The following PIK3CD variants were observed in gnomAD, a reference collection of about 807,000 sequenced individuals.
PIK3CD encodes phosphatidylinositol-4,5-bisphosphate 3-kinase catalytic subunit delta, also known as phosphatidylinositol 4,5-bisphosphate 3-kinase catalytic subunit delta isoform.
Under a neutral mutation model 122.9 loss-of-function variants are expected in PIK3CD, and 20 were observed. The observed-to-expected ratio is 0.16, with a 90% CI of 0.11 to 0.24. PIK3CD has a LOEUF of 0.24. PIK3CD is among the 10% of genes least tolerant of loss of function. The pLI is 1.00. For synonymous variants in PIK3CD, 596 were observed against 593.4 expected (o/e 1.00, Z -0.06); for missense variants, 787 against 1,406.3 (o/e 0.56, Z 7.04).
chr1:9,651,959 G>T (rs920017948), intron 1 of PIK3CD, among the ~76,000 whole-genome samples, 157 bp downstream of exon 1: 1 of 151,932 alleles, frequency 6.6e-6, no homozygotes, highest in Admixed American at 6.6e-5. Flanking sequence ...GCCTCCCCGA[G>T]TCTAGCGAGC....
At chr1:9,702,395 C>T (rs921204393) in intron 2 of PIK3CD, among the ~76,000 whole-genome samples, 5 of 151,330 alleles carry the variant, frequency 3.3e-5, no homozygotes, top group Admixed American at 6.6e-5. Context: ...CTGATGGGGC[C>T]GCCATCCAGT....
chr1:9,630,425 C>T, the PIK3CD span, among the ~76,000 whole-genome samples: 1 of 152,260 alleles, frequency 6.6e-6, no homozygotes, highest in African/African-American at 2.4e-5. Flanking sequence ...TTCATGACCA[C>T]ATCACTCATG....
At chr1:9,629,767 G>A in the PIK3CD span, among the ~76,000 whole-genome samples, 8 of 152,236 alleles carry the variant, frequency 5.3e-5, no homozygotes, top group African/African-American at 1.7e-4. Flanking sequence ...TCGCCCTAAG[G>A]CTCCCCCACC....
rs554430636 is a variant in PIK3CD, at chr1:9,725,722, C to T, written c.2997+786C>T. On this transcript the variant is annotated intron_variant, in intron 23 of 23. Coordinates refer to ENST00000377346, the MANE Select transcript of PIK3CD (RefSeq NM_005026.5). Reference sequence around the variant, plus strand: ...TGAAACCCTGTCTCTACTAAAAATACAAAAATTAGTCAGGTGTGGTGGCAC... The same window carrying T: ...TGAAACCCTGTCTCTACTAAAAATATAAAAATTAGTCAGGTGTGGTGGCAC... 4.6e-5 allele frequency among the ~76,000 whole-genome samples: 7 copies of T among 151,138 alleles called. No homozygotes were observed. In the South Asian group the frequency reaches 1.3e-3, roughly 27 times the overall value.
the PIK3CD span, among the ~76,000 whole-genome samples, chr1:9,646,033 A>G: frequency 6.6e-6 from 1 of 151,904 alleles, no homozygotes; most frequent in Non-Finnish European, 1.5e-5. Context: ...CAGCCTCCCA[A>G]AGTGCTGGGA....
chr1:9,640,172 T>C, the PIK3CD span, among the ~76,000 whole-genome samples: 1 of 152,258 alleles, frequency 6.6e-6, no homozygotes, highest in East Asian at 1.9e-4. Context: ...ACTTCTTTTC[T>C]TTCTGGAACT....
intron 1 of PIK3CD, among the ~76,000 whole-genome samples, chr1:9,656,775 T>G (rs953503708): frequency 6.6e-6 from 1 of 152,144 alleles, no homozygotes; most frequent in Admixed American, 6.5e-5. Flanking sequence ...AAGCCCCGTC[T>G]CTACTAAAAA....
intron 1 of PIK3CD, among the ~76,000 whole-genome samples, chr1:9,656,136 G>A (rs567965675): frequency 6.6e-6 from 1 of 152,266 alleles, no homozygotes; most frequent in South Asian, 2.1e-4. Flanking sequence ...AAGAGTGGGC[G>A]GTGCCAGGAG....
the PIK3CD span, among the ~76,000 whole-genome samples, chr1:9,643,888 C>A: frequency 2.0e-5 from 3 of 152,154 alleles, no homozygotes; most frequent in Non-Finnish European, 4.4e-5. Context: ...AAGACTCGAG[C>A]TGGGTAGTTT....
chr1:9,632,169 C>T, the PIK3CD span, among the ~76,000 whole-genome samples: 110 of 152,178 alleles, frequency 7.2e-4, no homozygotes, highest in Middle Eastern at 3.4e-3. Context: ...TGCGCCACCA[C>T]GCCCAGCTAA....
rs77587999 is a variant in PIK3CD, at chr1:9,687,063, C to T, written c.-137-4404C>T. 3.8e-3 allele frequency among the ~76,000 whole-genome samples: 581 copies of T among 152,302 alleles called. 6 individuals carry two copies. The highest frequency in any genetic ancestry group is 0.013 in the African/African-American group (561 of 41,560). ...AAAGAATCTTGGATTTTTCTCTGGGCTCCAGAGACACCCGTGCCTGACACC... is the reference window on the plus strand; with the variant it reads ...AAAGAATCTTGGATTTTTCTCTGGGTTCCAGAGACACCCGTGCCTGACACC... On this transcript the variant is annotated intron_variant, in intron 1 of 23. Coordinates refer to ENST00000377346, the MANE Select transcript of PIK3CD (RefSeq NM_005026.5).
intron 1 of PIK3CD, among the ~76,000 whole-genome samples, chr1:9,683,615 TTG>T (rs2100293899): frequency 6.6e-6 from 1 of 152,196 alleles, no homozygotes; most frequent in Non-Finnish European, 1.5e-5. Flanking sequence ...AAGATGACTA[TTG>T]TAACTATTTA....
chr1:9,659,070 C>G lies in PIK3CD; in HGVS notation c.-138+7268C>G, dbSNP rs558163756. On this transcript the variant is annotated intron_variant, in intron 1 of 23. Transcript: ENST00000377346. Reference sequence around the variant, plus strand: ...CGGTTGCCCATTTGGGTATCCTTTCCATTAACTTCTTTTGGATGTGCATTT... The same window carrying G: ...CGGTTGCCCATTTGGGTATCCTTTCGATTAACTTCTTTTGGATGTGCATTT... Among the ~76,000 whole-genome samples, 21 of 151,832 alleles carry G rather than the reference C, an allele frequency of 1.4e-4. 1 individual carries two copies. The East Asian group carries it at 4.1e-3, about 30-fold the overall frequency.
At chr1:9,709,602 G>A (rs960114691) in intron 2 of PIK3CD, among the ~76,000 whole-genome samples, 1 of 152,110 alleles carries the variant, frequency 6.6e-6, no homozygotes, top group African/African-American at 2.4e-5. Context: ...CTACTTGGGA[G>A]GGTGAGATGG....
intron 2 of PIK3CD, chr1:9,692,039 G>A (rs1176343754): frequency 6.6e-6 from 1 of 152,600 alleles, no homozygotes; most frequent in East Asian, 1.9e-4. Flanking sequence ...CACTGTCTCA[G>A]TAAGAGGATG....
rs1189384714 is a variant in PIK3CD, at chr1:9,728,222, G to C, written c.*1176G>C. 6.6e-6 allele frequency: 1 copy of C among 152,326 alleles called. No homozygotes were observed. Among genetic ancestry groups the C allele is most frequent in the Non-Finnish European group, 1.5e-5 (1 of 68,126 alleles). 9.4% of individuals were successfully genotyped at this position (152,326 alleles called of 1,614,324 possible). On this transcript the variant is annotated 3_prime_UTR_variant, in exon 24 of 24. Coordinates refer to ENST00000377346, the MANE Select transcript of PIK3CD (RefSeq NM_005026.5). ...CTGTGAGAGTGCTGAGGTACCAGAA[G>C]TGTGAGAACGAGGGGGCGTGCTGGG...
the PIK3CD span, among the ~76,000 whole-genome samples, chr1:9,627,817 G>A: frequency 1.3e-5 from 2 of 152,174 alleles, no homozygotes; most frequent in African/African-American, 4.8e-5. Flanking sequence ...GAGAGGAGGG[G>A]CCTTCGATGC....
intron 1 of PIK3CD, among the ~76,000 whole-genome samples, chr1:9,666,300 G>A (rs1260841293): frequency 7.4e-6 from 1 of 135,948 alleles, no homozygotes; most frequent in East Asian, 2.3e-4. Context: ...GAGTACAGTG[G>A]TGCAATCTCG....
intron 1 of PIK3CD, among the ~76,000 whole-genome samples, chr1:9,688,821 C>T (rs990711325): frequency 6.6e-6 from 1 of 151,754 alleles, no homozygotes; most frequent in African/African-American, 2.4e-5. Context: ...GAGCAAGACC[C>T]TGTCTCAAAA....
Sources: allele counts gnomAD v4.1 joint callset (sites outside exome capture counted in the v4.1 genomes callset), GRCh38; gene constraint gnomAD v4.1.1; transcripts MANE v1.5; gene names NCBI Gene and HGNC (gene_info 2026-07-23, HGNC 2026-07-21).